Variants in AGBL4 observed in about 807,000 individuals in gnomAD.
AGBL4 encodes AGBL carboxypeptidase 4.
In AGBL4, 58 loss-of-function variants were observed where a neutral mutation model predicts 66.4. That is an observed-to-expected ratio of 0.87 (90% confidence interval 0.71 to 1.09). The LOEUF (loss-of-function observed/expected upper bound fraction) is 1.09. Among genes scored for constraint, AGBL4 ranks in the 50% least tolerant of loss-of-function variants. The pLI is 0.00. For missense variants in AGBL4, 579 were observed against 631.0 expected (o/e 0.92, Z 0.88); for synonymous variants, 234 against 222.9 (o/e 1.05, Z -0.44).
chr1:48,939,726 C>G (rs141988632), intron 5 of AGBL4, among the ~76,000 whole-genome samples: 4 of 152,284 alleles, frequency 2.6e-5, no homozygotes, highest in East Asian at 1.9e-4. Flanking sequence ...CAAGTGGGGG[C>G]CCCACTCTGC....
At chr1:49,082,144 A>G (rs1438097497) in intron 4 of AGBL4, among the ~76,000 whole-genome samples, 1 of 152,246 alleles carries the variant, frequency 6.6e-6, no homozygotes, top group Non-Finnish European at 1.5e-5. Context: ...ACTATCCACT[A>G]TATGTACTTA....
intron 4 of AGBL4, among the ~76,000 whole-genome samples, chr1:49,089,678 T>G (rs1644969140): frequency 6.6e-6 from 1 of 152,084 alleles, no homozygotes; most frequent in African/African-American, 2.4e-5. Context: ...AAAGAAAAAC[T>G]GGTACAATTC....
chr1:49,506,718 C>G lies in AGBL4; in HGVS notation c.282+190595G>C, dbSNP rs375446987. ...TGTAAGAGTGGACTAATACACATTT[C>G]TAGTAATTAAAAGAATGGAATATGG... On this transcript the variant is annotated intron_variant, in intron 3 of 13. Transcript: ENST00000371839. 3.4e-4 allele frequency among the ~76,000 whole-genome samples: 51 copies of G among 151,992 alleles called. 1 individual carries two copies. The South Asian group carries it at 9.8e-3, about 29-fold the overall frequency.
At chr1:49,854,745 C>T (rs1646392253) in intron 1 of AGBL4, among the ~76,000 whole-genome samples, 1 of 152,090 alleles carries the variant, frequency 6.6e-6, no homozygotes, top group Admixed American at 6.5e-5. Context: ...CCATATAGTG[C>T]CCTAAATCCC....
At chr1:49,462,145 AAT>A (rs1292682829) in intron 3 of AGBL4, among the ~76,000 whole-genome samples, 4 of 151,648 alleles carry the variant, frequency 2.6e-5, no homozygotes, top group Non-Finnish European at 5.9e-5. Flanking sequence ...GGGCTAGATG[AAT>A]GCTAAGGCTA....
chr1:48,698,435 A>G (rs141961776), intron 6 of AGBL4, among the ~76,000 whole-genome samples: 50 of 152,320 alleles, frequency 3.3e-4, no homozygotes, highest in Non-Finnish European at 5.9e-4. Flanking sequence ...TCAAAGAAAA[A>G]GGAAACTGCC....
intron 5 of AGBL4, among the ~76,000 whole-genome samples, chr1:49,011,629 C>A (rs1477090240): frequency 6.6e-6 from 1 of 152,156 alleles, no homozygotes; most frequent in East Asian, 1.9e-4. Flanking sequence ...TTGGAACCAA[C>A]CCAAATGTCC....
At chr1:48,944,691 T>G (rs1275480501) in intron 5 of AGBL4, among the ~76,000 whole-genome samples, 2 of 152,084 alleles carry the variant, frequency 1.3e-5, no homozygotes, top group East Asian at 3.9e-4. Flanking sequence ...CCCGCAACCC[T>G]TCTCCTACCC....
intron 6 of AGBL4, among the ~76,000 whole-genome samples, chr1:48,678,452 C>G (rs927903590): frequency 6.6e-6 from 1 of 152,188 alleles, no homozygotes; most frequent in Non-Finnish European, 1.5e-5. Flanking sequence ...GAGAATTTCC[C>G]CGGAACCCAT....
chr1:49,080,142 T>C (rs1372566529), intron 4 of AGBL4, among the ~76,000 whole-genome samples: 1 of 152,134 alleles, frequency 6.6e-6, no homozygotes, highest in East Asian at 1.9e-4. Context: ...CAATTTTGTG[T>C]GAAAAACAAC....
intron 6 of AGBL4, among the ~76,000 whole-genome samples, chr1:48,792,244 T>C (rs1645569339): frequency 6.6e-6 from 1 of 152,008 alleles, no homozygotes; most frequent in African/African-American, 2.4e-5. Context: ...AAAGGATCAA[T>C]GGCCACCAAC....
intron 3 of AGBL4, among the ~76,000 whole-genome samples, chr1:49,643,798 C>T (rs1645831153): frequency 6.6e-6 from 1 of 151,482 alleles, no homozygotes; most frequent in Admixed American, 6.6e-5. Flanking sequence ...AATTCAACAT[C>T]AACAGACCTG....
chr1:48,987,057 G>A (rs1037494594), intron 5 of AGBL4, among the ~76,000 whole-genome samples: 4 of 151,364 alleles, frequency 2.6e-5, no homozygotes, highest in Non-Finnish European at 3.0e-5. Flanking sequence ...AAATGAAACC[G>A]TAAACATATT....
chr1:49,060,576 G>A (rs574351150), intron 4 of AGBL4, among the ~76,000 whole-genome samples: 1 of 152,216 alleles, frequency 6.6e-6, no homozygotes, highest in East Asian at 1.9e-4. Context: ...TTACTAAGAG[G>A]GGGTGGGGGA....
chr1:49,615,957 T>C (rs1645242529), intron 3 of AGBL4, among the ~76,000 whole-genome samples: 2 of 152,284 alleles, frequency 1.3e-5, no homozygotes, highest in Admixed American at 6.5e-5. Context: ...CTGTAGCCTA[T>C]TCCTCATCTT....
intron 3 of AGBL4, among the ~76,000 whole-genome samples, chr1:49,322,901 T>C (rs1645155945): frequency 6.6e-6 from 1 of 152,222 alleles, no homozygotes; most frequent in South Asian, 2.1e-4. Flanking sequence ...GAAGCAAATA[T>C]AACAGAATAT....
chr1:49,117,100 T>C (rs1645541776), intron 4 of AGBL4, among the ~76,000 whole-genome samples: 1 of 152,108 alleles, frequency 6.6e-6, no homozygotes, highest in African/African-American at 2.4e-5. Context: ...TTTGAGTTCT[T>C]TGTAGATTCT....
chr1:49,947,545 T>C (rs1218387538), intron 1 of AGBL4, among the ~76,000 whole-genome samples: 1 of 151,492 alleles, frequency 6.6e-6, no homozygotes, highest in East Asian at 1.9e-4. Context: ...ACATATCTCG[T>C]TGTAAAAAAA....
intron 4 of AGBL4, among the ~76,000 whole-genome samples, chr1:49,097,658 T>C (rs1385794289): frequency 2.0e-5 from 3 of 152,226 alleles, no homozygotes; most frequent in Non-Finnish European, 4.4e-5. Flanking sequence ...CTCAGCTCGC[T>C]TCACCTCTAC....
Sources: allele counts gnomAD v4.1 joint callset (sites outside exome capture counted in the v4.1 genomes callset), GRCh38; gene constraint gnomAD v4.1.1; transcripts MANE v1.5; gene names NCBI Gene and HGNC (gene_info 2026-07-23, HGNC 2026-07-21).